Variants in DDB1 observed in about 807,000 individuals in gnomAD.
The protein encoded by DDB1 is DNA damage-binding protein 1.
DDB1 carries 18 observed loss-of-function variants against 133.1 expected under a neutral mutation model. The observed-to-expected ratio is 0.14, with a 90% CI of 0.09 to 0.20. The LOEUF (loss-of-function observed/expected upper bound fraction) is 0.20, where lower values mean the gene tolerates loss of function less well. Ranked by LOEUF, DDB1 falls within the 10% of genes least tolerant of loss-of-function variation. DDB1 has a pLI of 1.00. For synonymous variants in DDB1, 580 were observed against 550.5 expected, an observed-to-expected ratio of 1.05 and a Z score of -0.75; for missense variants, 828 against 1,459.2, an observed-to-expected ratio of 0.57 and a Z score of 7.05.
intron 10 of DDB1, among the ~76,000 whole-genome samples, chr11:61,317,954 T>C (rs1403264104): frequency 6.6e-6 from 1 of 152,090 alleles, no homozygotes; most frequent in Non-Finnish European, 1.5e-5. Flanking sequence ...TGCTCCAGTC[T>C]GGCCTCGATC....
rs1855917825 is a variant in DDB1, at chr11:61,308,971, TC to T, written c.2661+11del. ...GCAGCCTAAAGTAAGTACCAAGTGG[TC>T]CAGGCCTCACCGTGCTATTGATGCT... is the stretch of plus-strand genomic sequence containing the variant. On this transcript the variant is annotated intron_variant, in intron 21 of 26. Transcript: ENST00000301764. The T allele has an allele frequency of 6.2e-7, 1 of 1,613,780 alleles. No individual in the cohort carries two copies. The highest frequency in any genetic ancestry group is 1.3e-5 in the African/African-American group (1 of 74,916).
chr11:61,300,278 G>T, intron 26 of DDB1, 59 bp from the exon 27 acceptor site: 15 of 1,533,948 alleles, frequency 9.8e-6, no homozygotes, highest in Non-Finnish European at 1.2e-5. Flanking sequence ...CCACAGGTGG[G>T]GAAGGGAATG....
chr11:61,322,855 A>T, intron 8 of DDB1, 156 bp downstream of exon 8: 1 of 648,972 alleles, frequency 1.5e-6, no homozygotes, highest in Non-Finnish European at 2.6e-6. Flanking sequence ...GCAAAGAGCT[A>T]GTCAGGGGTA....
Position 61,303,062 on chromosome 11 carries a change from C to T in DDB1, c.2926G>A (p.Val976Met), listed in dbSNP as rs1855827073. The T allele has an allele frequency of 2.5e-6, 4 of 1,614,056 alleles. No individual in the cohort carries two copies. The highest frequency in any genetic ancestry group is 3.4e-6 in the Non-Finnish European group (4 of 1,180,024). Reference protein sequence around the residue: ...LGAENAFNLFVCQKDSAATTD... With the variant: ...LGAENAFNLFMCQKDSAATTD... ...ACTACTCACCTATCCTTTTGACACACAAACAAGTTAAAGGCATTTTCAGCC... is the reference window on the plus strand; with the variant it reads ...ACTACTCACCTATCCTTTTGACACATAAACAAGTTAAAGGCATTTTCAGCC... The change falls in exon 23 of 27, where the codon GTG (valine) becomes ATG (methionine). Residue 976 changes from valine (V) to methionine (M), a missense_variant. Physicochemically the swap from Val to Met is conservative, Grantham distance 21. This residue lies in a region of DDB1 where 116 missense variants were observed against 221.6 expected (regional missense o/e 0.52). Coordinates refer to ENST00000301764, the MANE Select transcript of DDB1 (RefSeq NM_001923.5).
At position 61,318,035 on chromosome 11, in the gene DDB1, T is replaced by C. The variant is rs554010220; in HGVS notation, c.1226-1468A>G. 5.9e-5 allele frequency among the ~76,000 whole-genome samples: 9 copies of C among 152,294 alleles called. No homozygotes were observed. The East Asian group carries it at 1.5e-3, about 26-fold the overall frequency. ...GGACTACAGGCCCACTATGCAACAC[T>C]AAGCTTAATTTTTTTTACTTTAAGG... On this transcript the variant is annotated intron_variant, in intron 10 of 26. Transcript: ENST00000301764.
chr11:61,303,958 G>A lies in DDB1; in HGVS notation c.2739C>T (p.Tyr913=). ...CNHYNNIMAL[Y]LKTKGDFILV... The stretch of plus-strand genomic sequence containing the variant: ...GGATGAAGTCGCCCTTGGTCTTCAG[G>A]TAGAGGGCCATGATGTTGTTGTAGT... Residue 913 remains tyrosine, a synonymous_variant, in exon 22 of 27, where the codon TAC becomes TAT. Coordinates refer to ENST00000301764, the MANE Select transcript of DDB1 (RefSeq NM_001923.5). The A allele has an allele frequency of 2.5e-6, 4 of 1,614,046 alleles. No individual in the cohort carries two copies. Among genetic ancestry groups the A allele is most frequent in the Non-Finnish European group, 2.5e-6 (3 of 1,180,012 alleles).
chr11:61,316,132 C>CTT (rs1163897500), intron 12 of DDB1, 153 bp downstream of exon 12: 2 of 667,990 alleles, frequency 3.0e-6, no homozygotes, highest in Admixed American at 4.9e-5. Flanking sequence ...GTTGTGATCT[C>CTT]TGAGTAGTGG....
chr11:61,333,059 G>T lies in DDB1; in HGVS notation c.-91C>A. On this transcript the variant is annotated 5_prime_UTR_variant, in exon 1 of 27. In the 5' UTR this introduces an upstream ATG that the reference lacks. Coordinates refer to ENST00000301764, the MANE Select transcript of DDB1 (RefSeq NM_001923.5). ...GACAGGTGGCCCCCAACAGCGCGCA[G>T]CGAACTCCACTGCCGCTGCCTCCGC... The T allele has an allele frequency of 8.0e-7, 1 of 1,249,216 alleles. No homozygotes were observed. Among genetic ancestry groups the T allele is most frequent in the Non-Finnish European group, 1.1e-6 (1 of 929,426 alleles). 77.4% of individuals were successfully genotyped at this position (1,249,216 alleles called of 1,614,324 possible).
Position 61,329,600 on chromosome 11 carries a change from G to A in DDB1, c.328-16C>T, listed in dbSNP as rs553476567. On this transcript the variant is annotated splice_polypyrimidine_tract_variant and intron_variant, in intron 3 of 26. Coordinates refer to ENST00000301764, the MANE Select transcript of DDB1 (RefSeq NM_001923.5). Reference sequence around the variant, plus strand: ...CAATGCGGTCCTGAGAAACAAAATCGGGATTAGGGAAGAACCTCAACATCC... The same window carrying A: ...CAATGCGGTCCTGAGAAACAAAATCAGGATTAGGGAAGAACCTCAACATCC... The A allele has an allele frequency of 1.0e-5, 16 of 1,590,252 alleles. No homozygotes were observed. The Admixed American group carries it at 1.8e-4, about 18-fold the overall frequency.
chr11:61,322,692 T>C lies in DDB1; in HGVS notation c.1006-280A>G, dbSNP rs1856202225. Reference sequence around the variant, plus strand: ...TTAATGTAAAATGTTTGCATGCATTTTTCTGCAGAGAAGGTCCGAAGTTTT... The same window carrying C: ...TTAATGTAAAATGTTTGCATGCATTCTTCTGCAGAGAAGGTCCGAAGTTTT... On this transcript the variant is annotated intron_variant, in intron 8 of 26. Coordinates refer to ENST00000301764, the MANE Select transcript of DDB1 (RefSeq NM_001923.5). 3 of 540,008 alleles carry C rather than the reference T, an allele frequency of 5.6e-6. No homozygotes were observed. The South Asian group carries it at 7.9e-5, about 14-fold the overall frequency. The allele number at this position is 540,008 out of a possible 1,614,324, so 33.5% of individuals were successfully genotyped here.
rs1590678835 is a variant in DDB1 at position 61,303,735 on chromosome 11, G to A, written c.2832+130C>T. 20 of 534,932 alleles carry A rather than the reference G, an allele frequency of 3.7e-5. No homozygotes were observed. The East Asian group carries it at 6.7e-4, about 18-fold the overall frequency. 33.1% of individuals were successfully genotyped at this position (534,932 alleles called of 1,614,324 possible). On this transcript the variant is annotated intron_variant, in intron 22 of 26. Transcript: ENST00000301764. ...AAAAAAAAAAAAAAACTTAATCAAT[G>A]TAGAATGTCTGCTCCGGGGAAAACA...
chr11:61,328,764 A>G (rs1282002185), intron 4 of DDB1, among the ~76,000 whole-genome samples: 1 of 152,094 alleles, frequency 6.6e-6, no homozygotes, highest in Non-Finnish European at 1.5e-5. Context: ...CCAGCTACTC[A>G]GGAGGCTGAG....
In DDB1 at chr11:61,316,453, CT is replaced by C. The variant is rs1856068134; in HGVS notation, c.1301+38del. The C allele has an allele frequency of 1.9e-6, 3 of 1,613,866 alleles. No individual in the cohort carries two copies. In the Admixed American group the frequency reaches 5.0e-5, roughly 27 times the overall value. ...ACCAGCTTCCCCACCTCACAACCTTCTCACCAGCACCTACAGCTGGCACTAG... is the reference window on the plus strand; with the variant it reads ...ACCAGCTTCCCCACCTCACAACCTTCCACCAGCACCTACAGCTGGCACTAG... On this transcript the variant is annotated intron_variant, in intron 11 of 26. Coordinates refer to ENST00000301764, the MANE Select transcript of DDB1 (RefSeq NM_001923.5).
chr11:61,314,623 C>T, intron 12 of DDB1, 137 bp from the exon 13 acceptor site: 1 of 871,882 alleles, frequency 1.1e-6, no homozygotes, highest in Non-Finnish European at 1.7e-6. Context: ...TCCCCAAAGT[C>T]CTGCTAATGA....
chr11:61,325,944 C>G, intron 5 of DDB1: 2 of 588,674 alleles, frequency 3.4e-6, no homozygotes, highest in Non-Finnish European at 6.1e-6. Context: ...TTCGACTATT[C>G]CTATGGGTGG....
intron 1 of DDB1, 172 bp downstream of exon 1, chr11:61,332,736 A>C: frequency 2.0e-6 from 1 of 497,178 alleles, no homozygotes; most frequent in Non-Finnish European, 3.3e-6. Context: ...AAAAGCGCGT[A>C]CAGGGACGAC....
intron 7 of DDB1, 70 bp downstream of exon 7, chr11:61,323,909 G>C: frequency 6.4e-7 from 1 of 1,552,736 alleles, no homozygotes; most frequent in Non-Finnish European, 8.9e-7. Context: ...GTTGAGGTGT[G>C]GGACCACACA....
chr11:61,309,868 C>T lies in DDB1; in HGVS notation c.2494G>A (p.Gly832Ser). Residue 832 changes from glycine (G) to serine (S), a missense_variant, in exon 20 of 27, where the codon GGC becomes AGC. Around this residue, in one of 7 missense-constraint regions of DDB1, gnomAD observed 396 missense variants for 554.1 expected, o/e 0.71. Transcript: ENST00000301764. ...GKDPNTYFIV[G>S]TAMVYPEEAE... ...TCTTCAGGATACACCATTGCTGTGCCCACAATGAAGTAAGTGTTGGGGTCT... is the reference window on the plus strand; with the variant it reads ...TCTTCAGGATACACCATTGCTGTGCTCACAATGAAGTAAGTGTTGGGGTCT... 1 of 1,614,190 alleles carries T rather than the reference C, an allele frequency of 6.2e-7. No individual in the cohort carries two copies. The highest frequency in any genetic ancestry group is 2.2e-5 in the East Asian group (1 of 44,886).
chr11:61,311,050 G>A (rs1020374710), intron 18 of DDB1: 1 of 152,242 alleles, frequency 6.6e-6, no homozygotes, highest in Non-Finnish European at 1.5e-5. Flanking sequence ...GCAAGAGTTC[G>A]AGACCAGGCT....
Sources: allele counts gnomAD v4.1 joint callset (sites outside exome capture counted in the v4.1 genomes callset), GRCh38; gene constraint gnomAD v4.1.1; regional missense constraint gnomAD v4.1.1; transcripts MANE v1.5; gene names NCBI Gene and HGNC (gene_info 2026-07-23, HGNC 2026-07-21).